Variants in ARL15 observed in about 807,000 individuals in gnomAD.
ARL15 encodes ADP-ribosylation factor-like protein 15.
In ARL15, 19 loss-of-function variants were observed where a neutral mutation model predicts 25.2. That is an observed-to-expected ratio of 0.75 (90% CI 0.53 to 1.10). The LOEUF (loss-of-function observed/expected upper bound fraction) is 1.10. Among genes scored for constraint, ARL15 ranks in the 50% least tolerant of loss-of-function variants. The pLI is 0.00. For synonymous variants in ARL15, 94 were observed against 86.8 expected (o/e 1.08, Z -0.46); for missense variants, 220 against 246.0 (o/e 0.89, Z 0.71).
chr5:54,175,561 T>C (rs1308840765), intron 1 of ARL15, among the ~76,000 whole-genome samples: 2 of 151,824 alleles, frequency 1.3e-5, no homozygotes, highest in Non-Finnish European at 2.9e-5. Context: ...TCTTGAACTC[T>C]CGACTTCAGG....
intron 4 of ARL15, among the ~76,000 whole-genome samples, chr5:53,975,216 A>C (rs1047915527): frequency 6.6e-6 from 1 of 152,218 alleles, no homozygotes; most frequent in African/African-American, 2.4e-5. Context: ...TTGTAAGAGA[A>C]AAACAAGAAA....
intron 4 of ARL15, among the ~76,000 whole-genome samples, chr5:54,093,854 G>A (rs1293243132): frequency 2.6e-5 from 4 of 152,252 alleles, no homozygotes; most frequent in Admixed American, 2.0e-4. Context: ...AGTTTAGAAT[G>A]CATCCTGATG....
chr5:53,989,579 GT>G (rs1236160629), intron 4 of ARL15, among the ~76,000 whole-genome samples: 7 of 22,420 alleles, frequency 3.1e-4, no homozygotes, highest in East Asian at 6.8e-3. Flanking sequence ...AGGGAGGGGT[GT>G]GTGTGTGTGT....
At position 54,159,954 on chromosome 5, in the gene ARL15, C is replaced by A. The variant is rs191435518; in HGVS notation, c.194-5315G>T. 6.4e-4 allele frequency among the ~76,000 whole-genome samples: 97 copies of A among 152,316 alleles called. 2 individuals are homozygous for A. Among genetic ancestry groups the A allele is most frequent in the Admixed American group, 6.3e-3 (97 of 15,304 alleles). The stretch of plus-strand genomic sequence containing the variant: ...ATTTTTATTCATTGTGTGGAACACA[C>A]AAGTATTTCACTTGGACCTACAGAC... On this transcript the variant is annotated intron_variant, in intron 2 of 4. Coordinates refer to ENST00000504924, the MANE Select transcript of ARL15 (RefSeq NM_019087.3).
intron 4 of ARL15, among the ~76,000 whole-genome samples, chr5:54,069,111 G>A (rs1579761541): frequency 6.6e-6 from 1 of 152,038 alleles, no homozygotes; most frequent in African/African-American, 2.4e-5. Flanking sequence ...TAAATATTTG[G>A]ATAAATCCAG....
intron 1 of ARL15, among the ~76,000 whole-genome samples, chr5:54,248,689 C>T (rs934887778): frequency 4.6e-5 from 7 of 150,568 alleles, no homozygotes; most frequent in Non-Finnish European, 1.5e-5. Flanking sequence ...TCTGGCTCAT[C>T]AGAGCAATGT....
At position 53,978,622 on chromosome 5, in the gene ARL15, C is replaced by CAAAAAAAA. The variant is rs147288475; in HGVS notation, c.463-91917_463-91910dup. ...GCAACACAGGGAGACCCTGTCTCTA[C>CAAAAAAAA]AAAAAAAAAAAAAAGAAAAGAAAAG... On this transcript the variant is annotated intron_variant, in intron 4 of 4. Coordinates refer to ENST00000504924, the MANE Select transcript of ARL15 (RefSeq NM_019087.3). Among the ~76,000 whole-genome samples, 289 of 74,498 alleles carry CAAAAAAAA rather than the reference C, an allele frequency of 3.9e-3. 27 individuals are homozygous for CAAAAAAAA. Among genetic ancestry groups the CAAAAAAAA allele is most frequent in the East Asian group, 0.014 (35 of 2,502 alleles). 48.9% of individuals were successfully genotyped at this position (74,498 alleles called of 152,430 possible). A position where few individuals can be genotyped will look rare whatever the true frequency, so the allele number is the denominator to read the frequency against.
intron 1 of ARL15, among the ~76,000 whole-genome samples, chr5:54,174,015 G>C (rs912619271): frequency 6.6e-6 from 1 of 152,096 alleles, no homozygotes; most frequent in African/African-American, 2.4e-5. Flanking sequence ...TCCTAAGATT[G>C]TGTTAGCAAT....
intron 4 of ARL15, among the ~76,000 whole-genome samples, chr5:53,888,896 A>C (rs963163384): frequency 2.6e-5 from 4 of 152,192 alleles, no homozygotes; most frequent in Non-Finnish European, 4.4e-5. Flanking sequence ...TCTGCCACAA[A>C]GTAAGGCTTC....
chr5:54,053,469 CA>C (rs529560597), intron 4 of ARL15, among the ~76,000 whole-genome samples: 725 of 151,306 alleles, frequency 4.8e-3, no homozygotes, highest in Non-Finnish European at 8.1e-3. Context: ...GACCTGTTTC[CA>C]AACAGTAGAG....
intron 1 of ARL15, among the ~76,000 whole-genome samples, chr5:54,255,005 G>A (rs943118299): frequency 2.6e-5 from 4 of 152,046 alleles, no homozygotes; most frequent in African/African-American, 7.2e-5. Context: ...TTTCTATCAC[G>A]CCTGTTTAGA....
chr5:54,278,344 T>C (rs776204984), intron 1 of ARL15, among the ~76,000 whole-genome samples: 3 of 152,186 alleles, frequency 2.0e-5, no homozygotes, highest in Non-Finnish European at 4.4e-5. Flanking sequence ...ACTGCCAGGA[T>C]TTCATAAAAT....
At chr5:54,111,602 T>G (rs542519250) in intron 4 of ARL15, among the ~76,000 whole-genome samples, 6 of 152,232 alleles carry the variant, frequency 3.9e-5, no homozygotes, top group Non-Finnish European at 8.8e-5. Flanking sequence ...AAAAATCTTT[T>G]TTCAGATATT....
intron 3 of ARL15, among the ~76,000 whole-genome samples, chr5:54,133,767 G>A (rs77821079): frequency 0.015 from 2,283 of 152,140 alleles, 50 homozygotes; most frequent in African/African-American, 0.051. Flanking sequence ...CCTAACAATT[G>A]GAAGAAGATG....
intron 1 of ARL15, among the ~76,000 whole-genome samples, chr5:54,273,114 T>G (rs181677424): frequency 1.3e-3 from 193 of 152,310 alleles, no homozygotes; most frequent in Middle Eastern, 3.4e-3. Flanking sequence ...CAAACCGTAC[T>G]AAACTTACAT....
chr5:54,023,609 C>A (rs561201942), intron 4 of ARL15, among the ~76,000 whole-genome samples: 1 of 151,998 alleles, frequency 6.6e-6, no homozygotes, highest in Non-Finnish European at 1.5e-5. Context: ...CAAAATATGG[C>A]GCTTTGATGT....
At chr5:53,888,697 C>T (rs1426499050) in intron 4 of ARL15, among the ~76,000 whole-genome samples, 1 of 152,140 alleles carries the variant, frequency 6.6e-6, no homozygotes, top group African/African-American at 2.4e-5. Context: ...GTGCAAAGAC[C>T]AGTATCAGGG....
intron 4 of ARL15, among the ~76,000 whole-genome samples, chr5:53,900,137 C>T (rs989110416): frequency 1.3e-5 from 2 of 152,116 alleles, no homozygotes; most frequent in Admixed American, 6.6e-5. Context: ...ACTGAAATAT[C>T]CCCTGCTAGT....
intron 4 of ARL15, among the ~76,000 whole-genome samples, chr5:54,060,510 C>A (rs937469142): frequency 6.6e-6 from 1 of 152,122 alleles, no homozygotes; most frequent in African/African-American, 2.4e-5. Context: ...ACTCTTTTTG[C>A]CTGCTGCCAT....
Sources: gnomAD v4.1 joint callset for allele counts (sites outside exome capture counted in the v4.1 genomes callset) on GRCh38, gnomAD v4.1.1 for gene constraint, MANE v1.5 for transcripts, NCBI Gene and HGNC (gene_info 2026-07-23, HGNC 2026-07-21) for gene names.